Variants in KIF5C observed in about 807,000 individuals in gnomAD.
KIF5C encodes kinesin heavy chain isoform 5C.
A neutral mutation model predicts 125.2 loss-of-function variants in KIF5C; 18 were observed. The observed-to-expected ratio is 0.14, with a 90% CI of 0.10 to 0.21. The LOEUF (loss-of-function observed/expected upper bound fraction) is 0.21. Among genes scored for constraint, KIF5C ranks in the 10% least tolerant of loss-of-function variants. The pLI is 1.00. For synonymous variants in KIF5C, 405 were observed against 434.0 expected (o/e 0.93, Z 0.83); for missense variants, 780 against 1,183.8 (o/e 0.66, Z 5.01).
At chr2:148,956,733 C>G (rs1446460697) in intron 10 of KIF5C, among the ~76,000 whole-genome samples, 1 of 152,110 alleles carries the variant, frequency 6.6e-6, no homozygotes. Context: ...CCCAGAGTAG[C>G]CTTTGGTTAG....
At chr2:148,895,549 T>C (rs1030494011) in intron 1 of KIF5C, among the ~76,000 whole-genome samples, 3 of 152,112 alleles carry the variant, frequency 2.0e-5, no homozygotes, top group African/African-American at 7.2e-5. Context: ...AAAAATACTG[T>C]ATATATTTGT....
At position 148,997,286 on chromosome 2, in the gene KIF5C, C is replaced by T; in HGVS notation, c.2046C>T (p.Phe682=). The T allele has an allele frequency of 6.2e-7, 1 of 1,613,310 alleles. No individual in the cohort carries two copies. Among genetic ancestry groups the T allele is most frequent in the Non-Finnish European group, 8.5e-7 (1 of 1,179,366 alleles). ...CAGAAAAAATGCACGAAGTCAGCTT[C>T]CAGGATAAGGAGAAGGAACATCTGA... The part of the protein sequence containing the change: ...RAQEKMHEVS[F]QDKEKEHLTR... Residue 682 remains phenylalanine (F), a synonymous_variant, in exon 18 of 26, where the codon TTC becomes TTT. Transcript: ENST00000435030.
intron 11 of KIF5C, 75 bp from the exon 12 acceptor site, chr2:148,973,261 A>G (rs1680969103): frequency 2.0e-6 from 3 of 1,514,392 alleles, no homozygotes; most frequent in South Asian, 1.4e-5. Flanking sequence ...AGGACTGATT[A>G]TTTTTGGTAC....
At chr2:149,004,117 T>C (rs1307928935) in intron 21 of KIF5C, among the ~76,000 whole-genome samples, 3 of 152,212 alleles carry the variant, frequency 2.0e-5, no homozygotes, top group Non-Finnish European at 4.4e-5. Flanking sequence ...ACAGATCCAT[T>C]TGGTTTCCTG....
rs377720595 is a variant in KIF5C at position 148,966,583 on chromosome 2, A to G, written c.1117+4464A>G. Among the ~76,000 whole-genome samples the G allele has an allele frequency of 3.9e-5, 6 of 152,242 alleles. No homozygotes were observed. The South Asian group carries it at 1.2e-3, about 32-fold the overall frequency. Reference sequence around the variant, plus strand: ...AATTGGTGAAATACTGCACTATTACATGCCTAGAGGTTGCTCTCGCCCTCC... The same window carrying G: ...AATTGGTGAAATACTGCACTATTACGTGCCTAGAGGTTGCTCTCGCCCTCC... On this transcript the variant is annotated intron_variant, in intron 11 of 25. Transcript: ENST00000435030.
At chr2:148,955,998 A>G (rs1682782416) in intron 10 of KIF5C, among the ~76,000 whole-genome samples, 2 of 152,238 alleles carry the variant, frequency 1.3e-5, no homozygotes, top group South Asian at 4.1e-4. Context: ...GAAACGCCAA[A>G]GGTAGGCACT....
At chr2:148,909,247 G>A (rs1356631210) in intron 1 of KIF5C, among the ~76,000 whole-genome samples, 1 of 152,194 alleles carries the variant, frequency 6.6e-6, no homozygotes, top group East Asian at 1.9e-4. Flanking sequence ...CAGACCACGT[G>A]CTTCCCAGCT....
chr2:148,934,676 A>G (rs950096506), intron 3 of KIF5C, among the ~76,000 whole-genome samples: 4 of 151,088 alleles, frequency 2.6e-5, no homozygotes, highest in African/African-American at 9.7e-5. Context: ...GCACCCCCAC[A>G]CTCGCCACAC....
At chr2:148,962,717 C>G (rs147739415) in intron 11 of KIF5C, among the ~76,000 whole-genome samples, 1 of 152,280 alleles carries the variant, frequency 6.6e-6, no homozygotes, top group East Asian at 1.9e-4. Context: ...TGCACTCTAT[C>G]TAATATTGTA....
chr2:148,974,795 A>C (rs1323156913), intron 12 of KIF5C, among the ~76,000 whole-genome samples: 2 of 152,186 alleles, frequency 1.3e-5, no homozygotes, highest in Non-Finnish European at 2.9e-5. Context: ...GCTCATTTTT[A>C]GTAATCGCAG....
chr2:149,005,142 A>G (rs1483286599), intron 21 of KIF5C, among the ~76,000 whole-genome samples: 4 of 152,156 alleles, frequency 2.6e-5, no homozygotes, highest in Non-Finnish European at 5.9e-5. Flanking sequence ...TTCCACTGTG[A>G]GCAGATGGGC....
chr2:148,944,137 C>G (rs903589036), intron 7 of KIF5C, among the ~76,000 whole-genome samples: 1 of 152,084 alleles, frequency 6.6e-6, no homozygotes, highest in Non-Finnish European at 1.5e-5. Context: ...TCTTATCATT[C>G]TGGTAAGGTT....
intron 25 of KIF5C, among the ~76,000 whole-genome samples, chr2:149,014,297 A>G (rs1682296963): frequency 6.6e-6 from 1 of 152,176 alleles, no homozygotes; most frequent in Non-Finnish European, 1.5e-5. Context: ...AAGTGCTGGG[A>G]TTACAAGCGT....
intron 22 of KIF5C, among the ~76,000 whole-genome samples, chr2:149,007,530 C>T (rs999729986): frequency 2.2e-4 from 33 of 152,168 alleles, no homozygotes; most frequent in African/African-American, 7.7e-4. Context: ...ACCATAGACA[C>T]TTGCTTACAA....
chr2:148,911,768 GC>G (rs1296511674), intron 1 of KIF5C, among the ~76,000 whole-genome samples: 1 of 152,176 alleles, frequency 6.6e-6, no homozygotes, highest in African/African-American at 2.4e-5. Context: ...CCAGTAAGTG[GC>G]CCTTCAGTAC....
intron 1 of KIF5C, among the ~76,000 whole-genome samples, chr2:148,899,383 C>A (rs1293109570): frequency 6.6e-6 from 1 of 152,104 alleles, no homozygotes. Flanking sequence ...ATGAGAACAT[C>A]TAGATGTGCT....
At chr2:148,945,646 A>T (rs887814829) in intron 7 of KIF5C, among the ~76,000 whole-genome samples, 16 of 152,070 alleles carry the variant, frequency 1.1e-4, no homozygotes, top group African/African-American at 3.4e-4. Flanking sequence ...GTTTTGGTGC[A>T]CCTATCACCC....
At chr2:148,998,238 C>A in intron 18 of KIF5C, 162 bp from the exon 19 acceptor site, 1 of 1,200,162 alleles carries the variant, frequency 8.3e-7, no homozygotes, top group South Asian at 1.6e-5. Context: ...CCCAATAAAG[C>A]AAGGCCGGGT....
chr2:148,969,321 G>A (rs1387667526), intron 11 of KIF5C, among the ~76,000 whole-genome samples: 2 of 152,016 alleles, frequency 1.3e-5, no homozygotes, highest in East Asian at 3.9e-4. Flanking sequence ...ATGCTTCAGT[G>A]AATGCTCCTA....
Sources: allele counts gnomAD v4.1 joint callset (sites outside exome capture counted in the v4.1 genomes callset), GRCh38; gene constraint gnomAD v4.1.1; transcripts MANE v1.5; gene names NCBI Gene and HGNC (gene_info 2026-07-23, HGNC 2026-07-21).